The following PRR12 variants were observed in gnomAD, a reference collection of about 807,000 sequenced individuals.
The protein encoded by PRR12 is proline-rich protein 12.
A neutral mutation model predicts 138.0 loss-of-function variants in PRR12; 12 were observed. That is an observed-to-expected ratio of 0.09 (90% confidence interval 0.06 to 0.14). The LOEUF (loss-of-function observed/expected upper bound fraction) is 0.14. Ranked by LOEUF, PRR12 falls within the 10% of genes least tolerant of loss-of-function variation. The probability of loss-of-function intolerance (pLI) is 1.00; values close to 1 mark genes in which losing one functional copy is unlikely to be tolerated. For missense variants in PRR12, 2,692 were observed against 2,861.3 expected (o/e 0.94, Z 1.35); for synonymous variants, 1,567 against 1,291.7 (o/e 1.21, Z -4.57).
chr19:49,607,250 A>T (rs989770411), intron 6 of PRR12, among the ~76,000 whole-genome samples: 1 of 152,092 alleles, frequency 6.6e-6, no homozygotes, highest in African/African-American at 2.4e-5. Context: ...GCAGTTTGGG[A>T]TGTTGAGGTG....
At position 49,597,491 on chromosome 19, in the gene PRR12, C is replaced by G. The variant is rs924407279; in HGVS notation, c.3156C>G (p.Ala1052=). The part of the protein sequence containing the change: ...PPPPPPPPAP[A]SEPKGGLTSP... The stretch of plus-strand genomic sequence containing the variant: ...CGCCACCGCCGCCTCCCGCGCCGGC[C>G]TCCGAACCCAAGGGTGGCCTCACCT... The change falls in exon 4 of 14, where the codon GCC becomes GCG. Residue 1052 remains alanine, a synonymous_variant. Coordinates refer to ENST00000418929, the MANE Select transcript of PRR12 (RefSeq NM_020719.3). The surrounding 1 kb of genome is among the most constrained non-coding windows in gnomAD (Gnocchi z 6.3). The G allele has an allele frequency of 8.4e-6, 13 of 1,549,486 alleles. No individual in the cohort carries two copies. The highest frequency in any genetic ancestry group is 1.1e-5 in the Non-Finnish European group (13 of 1,148,186).
rs191213472 is a variant in PRR12, at chr19:49,591,794, G to A, written c.86+54G>A. 7.0e-3 allele frequency: 3,509 copies of A among 502,098 alleles called. 69 individuals carry two copies. The East Asian group carries it at 0.083, about 12-fold the overall frequency. The allele number at this position is 502,098 out of a possible 1,614,324, so 31.1% of individuals were successfully genotyped here. A position where few individuals can be genotyped will look rare whatever the true frequency, so the allele number is the denominator to read the frequency against. ...GGGGCCAAGGGGTGGGAGCCCAGCC[G>A]GGCCGGGCCGGGCCGGGCCGGGCCC... is the stretch of plus-strand genomic sequence containing the variant. On this transcript the variant is annotated intron_variant, in intron 1 of 13. Coordinates refer to ENST00000418929, the MANE Select transcript of PRR12 (RefSeq NM_020719.3).
At chr19:49,610,325 T>C (rs2080859377) in intron 6 of PRR12, among the ~76,000 whole-genome samples, 1 of 152,052 alleles carries the variant, frequency 6.6e-6, no homozygotes, top group Admixed American at 6.6e-5. Flanking sequence ...TGTCTGTAGC[T>C]CAGTGGCTTA....
Position 49,601,546 on chromosome 19 carries a change from T to A in PRR12, c.4401T>A (p.Pro1467=). The A allele has an allele frequency of 6.6e-7, 1 of 1,506,360 alleles. No individual in the cohort carries two copies. Among genetic ancestry groups the A allele is most frequent in the Non-Finnish European group, 8.9e-7 (1 of 1,119,970 alleles). 93.3% of individuals were successfully genotyped at this position (1,506,360 alleles called of 1,614,324 possible). A position where few individuals can be genotyped will look rare whatever the true frequency, so the allele number is the denominator to read the frequency against. ...CCACTCCACCTCCTGCCCCGACTCC[T>A]CAGCCTCAGCCTCCGCCACCCCCTC... ...PPPTPPPAPT[P]QPQPPPPPPP... The change falls in exon 6 of 14, where the codon CCT becomes CCA. Residue 1467 remains proline, a synonymous_variant. Coordinates refer to ENST00000418929, the MANE Select transcript of PRR12 (RefSeq NM_020719.3).
chr19:49,622,961 A>G (rs2080933455), intron 11 of PRR12, among the ~76,000 whole-genome samples: 2 of 146,832 alleles, frequency 1.4e-5, no homozygotes, highest in Non-Finnish European at 3.0e-5. Context: ...AGAGAGAAAG[A>G]GAGAGAGAGA....
Position 49,594,422 on chromosome 19 carries a change from C to T in PRR12, c.200-32C>T, listed in dbSNP as rs1395041290. 1 of 1,524,192 alleles carries T rather than the reference C, an allele frequency of 6.6e-7. No individual in the cohort carries two copies. Among genetic ancestry groups the T allele is most frequent in the Admixed American group, 2.2e-5 (1 of 45,668 alleles). The allele number at this position is 1,524,192 out of a possible 1,614,324, so 94.4% of individuals were successfully genotyped here. A position where few individuals can be genotyped will look rare whatever the true frequency, so the allele number is the denominator to read the frequency against. On this transcript the variant is annotated intron_variant, in intron 2 of 13. Coordinates refer to ENST00000418929, the MANE Select transcript of PRR12 (RefSeq NM_020719.3). The surrounding 1 kb of genome is among the most constrained non-coding windows in gnomAD (Gnocchi z 5.6). ...CTTGACTGTATCCTACCCACCCCCA[C>T]CTGGCTGACTATAACCCCTGTCCCC...
At chr19:49,593,695 C>T (rs1183088619) in intron 2 of PRR12, among the ~76,000 whole-genome samples, 1 of 152,154 alleles carries the variant, frequency 6.6e-6, no homozygotes, top group Non-Finnish European at 1.5e-5. Flanking sequence ...CAAATCCCAC[C>T]TTCTCTTCCA....
rs911076359 is a variant in PRR12, at chr19:49,591,537, G to A, written c.-118G>A. 1.9e-6 allele frequency: 1 copy of A among 539,026 alleles called. No individual in the cohort carries two copies. The highest frequency in any genetic ancestry group is 2.9e-6 in the Non-Finnish European group (1 of 341,382). The allele number at this position is 539,026 out of a possible 1,614,324, so 33.4% of individuals were successfully genotyped here. Reference sequence around the variant, plus strand: ...GCGGCTGCAAAGAAAAAAAGAGAGAGAGAAAAGGGGGGAAAAAAAAGCAGC... The same window carrying A: ...GCGGCTGCAAAGAAAAAAAGAGAGAAAGAAAAGGGGGGAAAAAAAAGCAGC... On this transcript the variant is annotated 5_prime_UTR_variant, in exon 1 of 14. Coordinates refer to ENST00000418929, the MANE Select transcript of PRR12 (RefSeq NM_020719.3).
intron 1 of PRR12, 46 bp from the exon 2 acceptor site, chr19:49,593,281 G>C: frequency 1.0e-6 from 1 of 960,222 alleles, no homozygotes; most frequent in Non-Finnish European, 1.6e-6. Flanking sequence ...TTCCTTCTCA[G>C]AAGGCAGCTT....
At position 49,599,932 on chromosome 19, in the gene PRR12, A is replaced by C. The variant is rs1326913396; in HGVS notation, c.4339A>C (p.Thr1447Pro). 1.9e-6 allele frequency: 3 copies of C among 1,598,480 alleles called. No individual in the cohort carries two copies. The highest frequency in any genetic ancestry group is 2.6e-6 in the Non-Finnish European group (3 of 1,171,108). The part of the protein sequence containing the change: ...PGLPSANSNG[T>P]PEPPLLEEKP... ...GCTCCCCAGTGCCAACAGCAATGGCACTCCCGGTGAGCTCTGGGCAGGTGG... is the reference window on the plus strand; with the variant it reads ...GCTCCCCAGTGCCAACAGCAATGGCCCTCCCGGTGAGCTCTGGGCAGGTGG... Residue 1447 changes from threonine to proline, a missense_variant, in exon 5 of 14, where the codon ACT (threonine) becomes CCT (proline). Physicochemically the swap from Thr to Pro is conservative, Grantham distance 38 (BLOSUM62 -1). This residue lies in a region of PRR12 where 231 missense variants were observed against 200.8 expected (regional missense o/e 1.15). Transcript: ENST00000418929. The surrounding 1 kb of genome is among the most constrained non-coding windows in gnomAD (Gnocchi z 5.0).
intron 11 of PRR12, among the ~76,000 whole-genome samples, chr19:49,622,908 C>CAT (rs61466559): frequency 0.018 from 1,752 of 97,130 alleles, 32 homozygotes; most frequent in East Asian, 0.068. Context: ...AAAACAAAAA[C>CAT]ATATATATAT....
chr19:49,618,447 G>T (rs2080903938), intron 9 of PRR12, among the ~76,000 whole-genome samples: 1 of 151,904 alleles, frequency 6.6e-6, no homozygotes, highest in South Asian at 2.1e-4. Flanking sequence ...GTGCAAAGTG[G>T]TGTAATTTCA....
chr19:49,596,312 C>A lies in PRR12; in HGVS notation c.1977C>A (p.Asp659Glu). 6.2e-7 allele frequency: 1 copy of A among 1,610,834 alleles called. No individual in the cohort carries two copies. ...APSPPRTSGA[D>E]GLVGEDGAAD... ...GCCCTCCTCGGACCTCAGGGGCGGA[C>A]GGCTTGGTGGGCGAGGACGGGGCAG... is the stretch of plus-strand genomic sequence containing the variant. Residue 659 changes from aspartate (D) to glutamate (E), a missense_variant, in exon 4 of 14, where the codon GAC becomes GAA. Physicochemically the swap from Asp to Glu is conservative, Grantham distance 45. Transcript: ENST00000418929. This position sits in a 1 kb window ranked among gnomAD's most constrained non-coding sequence, Gnocchi z 5.6.
At position 49,625,402 on chromosome 19, in the gene PRR12, C is replaced by A; in HGVS notation, c.5965-59C>A. ...ACACCCCAGGCCCCATGCCCCAGCC[C>A]CTTCCCTCCCCAGAGGCCGGTGTGC... On this transcript the variant is annotated intron_variant, in intron 13 of 13. Coordinates refer to ENST00000418929, the MANE Select transcript of PRR12 (RefSeq NM_020719.3). This position sits in a 1 kb window ranked among gnomAD's most constrained non-coding sequence, Gnocchi z 5.5. 1 of 1,514,726 alleles carries A rather than the reference C, an allele frequency of 6.6e-7. No homozygotes were observed. 93.8% of individuals were successfully genotyped at this position (1,514,726 alleles called of 1,614,324 possible).
rs779731174 is a variant in PRR12 at position 49,594,553 on chromosome 19, C to A, written c.299C>A (p.Pro100His). ...ATCTCGGCCCTGGAATCCCGGGGCC[C>A]CCAGCCTGGCCCCTCCGCCTCCTCT... ...NLISALESRG[P>H]QPGPSASSLL... Residue 100 changes from proline to histidine, a missense_variant, in exon 3 of 14, where the codon CCC becomes CAC. Around this residue, in one of 11 missense-constraint regions of PRR12, gnomAD observed 211 missense variants for 266.3 expected, o/e 0.79. Coordinates refer to ENST00000418929, the MANE Select transcript of PRR12 (RefSeq NM_020719.3). This position sits in a 1 kb window ranked among gnomAD's most constrained non-coding sequence, Gnocchi z 5.6. 1.1e-5 allele frequency: 17 copies of A among 1,613,032 alleles called. No homozygotes were observed. The highest frequency in any genetic ancestry group is 1.7e-5 in the Admixed American group (1 of 59,998).
intron 11 of PRR12, 200 bp downstream of exon 11, chr19:49,621,822 G>A: frequency 1.7e-6 from 1 of 581,232 alleles, no homozygotes; most frequent in African/African-American, 1.9e-5. Flanking sequence ...GGGAGGAGCT[G>A]TGGGCCTTGG....
At position 49,599,403 on chromosome 19, in the gene PRR12, G is replaced by A. The variant is rs1416532304; in HGVS notation, c.3810G>A (p.Val1270=). The A allele has an allele frequency of 3.1e-6, 5 of 1,611,934 alleles. No individual in the cohort carries two copies. The highest frequency in any genetic ancestry group is 4.2e-6 in the Non-Finnish European group (5 of 1,179,286). Residue 1270 remains valine, a synonymous_variant, in exon 5 of 14, where the codon GTG becomes GTA. Coordinates refer to ENST00000418929, the MANE Select transcript of PRR12 (RefSeq NM_020719.3). The surrounding 1 kb of genome is among the most constrained non-coding windows in gnomAD (Gnocchi z 5.0). ...AGATCGAGGCCAAGATTAAGGAGGT[G>A]GAGGAGAAGCAGCCGGAGATGAAGT... ...REKIEAKIKE[V]EEKQPEMKSG...
rs187834690 is a variant in PRR12 at position 49,594,815 on chromosome 19, C to T, written c.480C>T (p.Arg160=). 2,998 of 1,612,446 alleles carry T rather than the reference C, an allele frequency of 1.9e-3. 59 individuals are homozygous for T. In the East Asian group the frequency reaches 0.039, roughly 21 times the overall value. The stretch of plus-strand genomic sequence containing the variant: ...AACACCCGGCTTCCTTCGGCAGCCG[C>T]CCCTTCCCAGTGCCCTCGTCCCTCA... ...AYQHPASFGS[R]PFPVPSSLSL... is the part of the protein sequence containing the mutation. The change falls in exon 4 of 14, where the codon CGC becomes CGT. Residue 160 remains arginine (R), a synonymous_variant. Transcript: ENST00000418929. This position sits in a 1 kb window ranked among gnomAD's most constrained non-coding sequence, Gnocchi z 5.6.
chr19:49,618,070 C>T (rs745538317), intron 9 of PRR12, among the ~76,000 whole-genome samples: 2 of 152,136 alleles, frequency 1.3e-5, no homozygotes, highest in African/African-American at 4.8e-5. Flanking sequence ...TGCATTCCAG[C>T]CTGGGCAACA....
Sources: gnomAD v4.1 joint callset for allele counts (sites outside exome capture counted in the v4.1 genomes callset) on GRCh38, gnomAD v4.1.1 for gene constraint, gnomAD v4.1.1 regional missense constraint, Gnocchi (gnomAD v3.1) non-coding constraint, MANE v1.5 for transcripts, NCBI Gene and HGNC (gene_info 2026-07-23, HGNC 2026-07-21) for gene names.